GLDN: variants seen among roughly 807,000 people sequenced by gnomAD.
The protein encoded by GLDN is collomin.
In GLDN, 47 loss-of-function variants were observed where a neutral mutation model predicts 56.5. The observed-to-expected ratio is 0.83, with a 90% CI of 0.66 to 1.06. The LOEUF (loss-of-function observed/expected upper bound fraction) is 1.06. GLDN is among the 50% of genes least tolerant of loss of function. The probability of loss-of-function intolerance (pLI) is 0.00; values close to 1 mark genes in which losing one functional copy is unlikely to be tolerated. For missense variants in GLDN, 782 were observed against 714.3 expected, an observed-to-expected ratio of 1.09 and a Z score of -1.08; for synonymous variants, 332 against 278.8, an observed-to-expected ratio of 1.19 and a Z score of -1.90.
chr15:51,352,483 G>A (rs1369225761), intron 1 of GLDN, among the ~76,000 whole-genome samples: 2 of 152,076 alleles, frequency 1.3e-5, no homozygotes, highest in African/African-American at 2.4e-5. Context: ...CTAGTGTCTT[G>A]TTTCTGGGTT....
At chr15:51,357,683 C>T (rs2037212311) in intron 1 of GLDN, among the ~76,000 whole-genome samples, 2 of 152,214 alleles carry the variant, frequency 1.3e-5, no homozygotes, top group Non-Finnish European at 2.9e-5. Context: ...ACTCCCAGCA[C>T]TGACCCGGTT....
At chr15:51,352,335 A>C (rs748649311) in intron 1 of GLDN, among the ~76,000 whole-genome samples, 15 of 152,194 alleles carry the variant, frequency 9.9e-5, no homozygotes, top group Non-Finnish European at 1.8e-4. Flanking sequence ...TTCATGACCT[A>C]GTCACCTTCC....
At chr15:51,372,507 TC>T (rs1290652637) in intron 1 of GLDN, among the ~76,000 whole-genome samples, 2 of 152,316 alleles carry the variant, frequency 1.3e-5, no homozygotes, top group East Asian at 3.9e-4. Context: ...TCCTGAGCTC[TC>T]GGGGCTACTG....
Position 51,401,599 on chromosome 15 carries a change from T to C in GLDN, c.1034T>C (p.Met345Thr), listed in dbSNP as rs549546601. 1.2e-6 allele frequency: 2 copies of C among 1,613,270 alleles called. No individual in the cohort carries two copies. Among genetic ancestry groups the C allele is most frequent in the African/African-American group, 2.7e-5 (2 of 75,046 alleles). Reference protein sequence around the residue: ...IWVTEHFSGIMVKEFKDQPSL... With the variant: ...IWVTEHFSGITVKEFKDQPSL... ...CCTGGCTTCCCTCCTACAGGCATCA[T>C]GGTTAAGGAATTCAAGGATCAGCCC... The change falls in exon 9 of 10, where the codon ATG (methionine) becomes ACG (threonine). Residue 345 changes from methionine (M) to threonine (T), a missense_variant. Transcript: ENST00000335449.
At chr15:51,344,961 G>A (rs2445770) in intron 1 of GLDN, among the ~76,000 whole-genome samples, 7,234 of 152,250 alleles carry the variant, frequency 0.048, 214 homozygotes, top group Non-Finnish European at 0.064. Context: ...AAAACCATGT[G>A]CATACTTTTG....
chr15:51,379,921 C>G (rs1156347292), intron 2 of GLDN, among the ~76,000 whole-genome samples: 1 of 152,210 alleles, frequency 6.6e-6, no homozygotes, highest in African/African-American at 2.4e-5. Flanking sequence ...ATGTCATACT[C>G]CATGAAGCAT....
Position 51,397,489 on chromosome 15 carries a change from C to T in GLDN, c.708C>T (p.Gly236=). ...CTCCAGGTGCCAAAGGTGACCAAGG[C>T]CCACCCGGTCCACCTGGGCCCCCAG... ...VLLAGAKGDQ[G]PPGPPGPPGP... The change falls in exon 6 of 10, where the codon GGC becomes GGT. Residue 236 remains glycine, a synonymous_variant. Coordinates refer to ENST00000335449, the MANE Select transcript of GLDN (RefSeq NM_181789.4). 1.3e-6 allele frequency: 2 copies of T among 1,555,694 alleles called. No homozygotes were observed. The highest frequency in any genetic ancestry group is 1.2e-5 in the South Asian group (1 of 82,812).
chr15:51,365,438 C>T (rs2037381586), intron 1 of GLDN, among the ~76,000 whole-genome samples: 1 of 152,014 alleles, frequency 6.6e-6, no homozygotes, highest in Non-Finnish European at 1.5e-5. Context: ...TACAACATGC[C>T]AGGTGTTATG....
chr15:51,357,902 G>A (rs2037217690), intron 1 of GLDN, among the ~76,000 whole-genome samples: 1 of 152,062 alleles, frequency 6.6e-6, no homozygotes, highest in African/African-American at 2.4e-5. Flanking sequence ...GTGCCCCCAT[G>A]GGCACAGACC....
At position 51,405,615 on chromosome 15, in the gene GLDN, C is replaced by T. The variant is rs933430126; in HGVS notation, c.*861C>T. 7.2e-5 allele frequency: 11 copies of T among 152,204 alleles called. No homozygotes were observed. Among genetic ancestry groups the T allele is most frequent in the African/African-American group, 2.6e-4 (11 of 41,532 alleles). 9.4% of individuals were successfully genotyped at this position (152,204 alleles called of 1,614,324 possible). A position where few individuals can be genotyped will look rare whatever the true frequency, so the allele number is the denominator to read the frequency against. The stretch of plus-strand genomic sequence containing the variant: ...AGTTTCTGATCATGTTGATTTGTAG[C>T]TGTGGATCATGAACACTGAATCCTC... On this transcript the variant is annotated 3_prime_UTR_variant, in exon 10 of 10. Coordinates refer to ENST00000335449, the MANE Select transcript of GLDN (RefSeq NM_181789.4).
At chr15:51,354,135 G>C (rs900845321) in intron 1 of GLDN, among the ~76,000 whole-genome samples, 1 of 152,158 alleles carries the variant, frequency 6.6e-6, no homozygotes, top group Non-Finnish European at 1.5e-5. Context: ...TTCTGAATCC[G>C]ATAGAGCAAC....
At chr15:51,364,651 G>A (rs941833810) in intron 1 of GLDN, among the ~76,000 whole-genome samples, 1 of 151,986 alleles carries the variant, frequency 6.6e-6, no homozygotes, top group Non-Finnish European at 1.5e-5. Context: ...CTTTCCTCTA[G>A]CTTCTTGAAC....
chr15:51,398,201 T>C (rs904752126), intron 6 of GLDN, among the ~76,000 whole-genome samples: 1 of 152,108 alleles, frequency 6.6e-6, no homozygotes, highest in Non-Finnish European at 1.5e-5. Context: ...TCTGCCTAAC[T>C]GTAAAGTCCC....
chr15:51,407,751 T>A lies in GLDN; in HGVS notation c.*2997T>A, dbSNP rs2038415560. 1 of 152,228 alleles carries A rather than the reference T, an allele frequency of 6.6e-6. No homozygotes were observed. The highest frequency in any genetic ancestry group is 2.4e-5 in the African/African-American group (1 of 41,456). The allele number at this position is 152,228 out of a possible 1,614,324, so 9.4% of individuals were successfully genotyped here. On this transcript the variant is annotated 3_prime_UTR_variant, in exon 10 of 10. Coordinates refer to ENST00000335449, the MANE Select transcript of GLDN (RefSeq NM_181789.4). ...TGAAAAGTCAAATGAAACAGTACAATTCTTGATGAGTGAGGTGTCATCTTC... is the reference window on the plus strand; with the variant it reads ...TGAAAAGTCAAATGAAACAGTACAAATCTTGATGAGTGAGGTGTCATCTTC...
At chr15:51,376,690 C>T (rs2037637781) in intron 1 of GLDN, among the ~76,000 whole-genome samples, 1 of 152,184 alleles carries the variant, frequency 6.6e-6, no homozygotes, top group East Asian at 1.9e-4. Flanking sequence ...ATTATGTAAG[C>T]TTTTTCCTAT....
downstream of GLDN, among the ~76,000 whole-genome samples, chr15:51,410,805 A>T (rs60983580): frequency 0.013 from 2,030 of 152,368 alleles, 39 homozygotes; most frequent in East Asian, 0.071. Context: ...ATTCAAATTT[A>T]ACTGGGAGCC....
intron 1 of GLDN, among the ~76,000 whole-genome samples, chr15:51,370,658 A>T (rs2037497440): frequency 6.6e-6 from 1 of 152,014 alleles, no homozygotes; most frequent in African/African-American, 2.4e-5. Flanking sequence ...ATCACTTATT[A>T]TTCCAACATA....
At position 51,404,516 on chromosome 15, in the gene GLDN, G is replaced by A. The variant is rs2038330108; in HGVS notation, c.1418G>A (p.Gly473Asp). 6.2e-7 allele frequency: 1 copy of A among 1,614,134 alleles called. No individual in the cohort carries two copies. Among genetic ancestry groups the A allele is most frequent in the Non-Finnish European group, 8.5e-7 (1 of 1,180,014 alleles). The change falls in exon 10 of 10, where the codon GGC (glycine) becomes GAC (aspartate). Residue 473 changes from glycine (G) to aspartate (D), a missense_variant. Gly to Asp is a moderately conservative substitution (Grantham distance 94). Coordinates refer to ENST00000335449, the MANE Select transcript of GLDN (RefSeq NM_181789.4). ...ACCACGTACCCTAAATCCAAGGCTGGCAACGCCTTCATTGCCCGAGGAATC... is the reference window on the plus strand; with the variant it reads ...ACCACGTACCCTAAATCCAAGGCTGACAACGCCTTCATTGCCCGAGGAATC... ...VNTTYPKSKA[G>D]NAFIARGILY...
chr15:51,395,653 C>CA (rs1321942763), intron 5 of GLDN, among the ~76,000 whole-genome samples: 3 of 152,192 alleles, frequency 2.0e-5, no homozygotes, highest in Non-Finnish European at 2.9e-5. Context: ...GTGGACTGAG[C>CA]AGCCACTTGC....
Sources: allele counts gnomAD v4.1 joint callset (sites outside exome capture counted in the v4.1 genomes callset), GRCh38; gene constraint gnomAD v4.1.1; transcripts MANE v1.5; gene names NCBI Gene and HGNC (gene_info 2026-07-23, HGNC 2026-07-21).